Variants in ESRRG observed in about 807,000 individuals in gnomAD.
ESRRG encodes estrogen related receptor gamma, also known as estrogen-related receptor gamma.
In ESRRG, 13 loss-of-function variants were observed where a neutral mutation model predicts 44.0. That is an observed-to-expected ratio of 0.30 (90% CI 0.19 to 0.47). The LOEUF (loss-of-function observed/expected upper bound fraction) is 0.47, where lower values mean the gene tolerates loss of function less well. Ranked by LOEUF, ESRRG falls within the 20% of genes least tolerant of loss-of-function variation. ESRRG has a pLI of 1.00. For synonymous variants in ESRRG, 215 were observed against 214.6 expected, an observed-to-expected ratio of 1.00 and a Z score of -0.02; for missense variants, 395 against 580.6, an observed-to-expected ratio of 0.68 and a Z score of 3.29.
chr1:216,685,552 C>T (rs967570842), intron 1 of ESRRG, among the ~76,000 whole-genome samples: 2 of 152,138 alleles, frequency 1.3e-5, no homozygotes, highest in African/African-American at 4.8e-5. Flanking sequence ...CAGCACCGCA[C>T]TAGAGAAGAA....
chr1:216,603,824 G>A (rs529617480), intron 3 of ESRRG, among the ~76,000 whole-genome samples: 2 of 151,796 alleles, frequency 1.3e-5, no homozygotes, highest in Admixed American at 6.6e-5. Context: ...GCTACTCGGC[G>A]GGATGAGATG....
At chr1:216,764,047 G>T (rs1226796788) in intron 2 of ESRRG, among the ~76,000 whole-genome samples, 1 of 152,096 alleles carries the variant, frequency 6.6e-6, no homozygotes, top group African/African-American at 2.4e-5. Flanking sequence ...ATACTTCTGT[G>T]GCTATCGGAA....
At chr1:216,854,835 A>G (rs1484690546) in intron 2 of ESRRG, among the ~76,000 whole-genome samples, 3 of 151,674 alleles carry the variant, frequency 2.0e-5, no homozygotes, top group Non-Finnish European at 4.4e-5. Context: ...AGAAAAAAAA[A>G]TTTTGACAAA....
At chr1:216,979,392 C>A (rs181686369) in intron 1 of ESRRG, among the ~76,000 whole-genome samples, 4 of 152,122 alleles carry the variant, frequency 2.6e-5, no homozygotes, top group Non-Finnish European at 4.4e-5. Context: ...TTCCATCCCC[C>A]ATTCCACACC....
At chr1:216,554,433 G>C (rs1199722901) in intron 5 of ESRRG, among the ~76,000 whole-genome samples, 1 of 146,034 alleles carries the variant, frequency 6.8e-6, no homozygotes, top group African/African-American at 2.5e-5. Context: ...CAGCCTGGGC[G>C]ACAAGAGTGA....
chr1:216,892,881 C>T (rs151246763), intron 2 of ESRRG, among the ~76,000 whole-genome samples: 45 of 152,142 alleles, frequency 3.0e-4, no homozygotes, highest in African/African-American at 9.4e-4. Flanking sequence ...TCACTCTTTG[C>T]GTTCTTAATA....
At chr1:216,902,497 A>G (rs2059202436) in intron 2 of ESRRG, among the ~76,000 whole-genome samples, 1 of 152,100 alleles carries the variant, frequency 6.6e-6, no homozygotes, top group Admixed American at 6.5e-5. Flanking sequence ...GAAAAAAAAA[A>G]AAGGAAAAGG....
intron 1 of ESRRG, among the ~76,000 whole-genome samples, chr1:216,703,659 ATGTGTGTGTGTG>A (rs67638063): frequency 1.3e-5 from 2 of 148,868 alleles, no homozygotes; most frequent in African/African-American, 5.0e-5. Context: ...AGCTGGATAG[ATGTGTGTGTGTG>A]TGTGTGTGTG....
At chr1:216,565,261 T>C (rs544178883) in intron 4 of ESRRG, among the ~76,000 whole-genome samples, 3 of 152,336 alleles carry the variant, frequency 2.0e-5, no homozygotes, top group South Asian at 2.1e-4. Context: ...GGCTGTAAAG[T>C]CTTGGTAACA....
intron 1 of ESRRG, among the ~76,000 whole-genome samples, chr1:217,038,855 G>T (rs757505126): frequency 2.9e-4 from 44 of 152,194 alleles, no homozygotes; most frequent in Admixed American, 5.9e-4. Flanking sequence ...TTGTCAGGCT[G>T]CAAATTTTCT....
At chr1:217,064,106 ATG>A (rs1418013477) in intron 1 of ESRRG, among the ~76,000 whole-genome samples, 19 of 152,126 alleles carry the variant, frequency 1.2e-4, no homozygotes, top group South Asian at 6.2e-4. Flanking sequence ...GGTTTAGTAT[ATG>A]TGTGTGTTTT....
intron 3 of ESRRG, among the ~76,000 whole-genome samples, chr1:216,586,860 A>G (rs2063908985): frequency 6.6e-6 from 1 of 152,066 alleles, no homozygotes; most frequent in Non-Finnish European, 1.5e-5. Context: ...TACAGGAGTG[A>G]GCCACCACAT....
At chr1:216,931,175 C>T (rs546969579) in intron 2 of ESRRG, among the ~76,000 whole-genome samples, 1 of 152,298 alleles carries the variant, frequency 6.6e-6, no homozygotes, top group East Asian at 1.9e-4. Context: ...TTAAAGATGA[C>T]ATGCACGTTT....
At chr1:216,736,305 CT>C (rs1288558727) in intron 2 of ESRRG, among the ~76,000 whole-genome samples, 8 of 150,892 alleles carry the variant, frequency 5.3e-5, no homozygotes, top group Non-Finnish European at 1.0e-4. Context: ...GCCTCAGCCT[CT>C]CCGAGTAGCT....
At chr1:216,545,585 T>A (rs2054244334) in intron 5 of ESRRG, among the ~76,000 whole-genome samples, 1 of 152,122 alleles carries the variant, frequency 6.6e-6, no homozygotes, top group African/African-American at 2.4e-5. Context: ...ATCACTTGTT[T>A]ATAAATTTTT....
Position 216,768,480 on chromosome 1 carries a change from A to ATCTATCTATCTATCTGTCTG in ESRRG, c.-13-90990_-13-90989insCAGACAGATAGATAGATAGA, listed in dbSNP as rs1553593171. ...TATCTATCTATCTATCTATCTATCTATCTATCTATCTATCTATCTATATTT... is the reference window on the plus strand; with the variant it reads ...TATCTATCTATCTATCTATCTATCTATCTATCTATCTATCTGTCTGTCTATCTATCTATCTATCTATATTT... On this transcript the variant is annotated intron_variant, in intron 2 of 7. Transcript: ENST00000359162. 7.3e-4 allele frequency among the ~76,000 whole-genome samples: 110 copies of ATCTATCTATCTATCTGTCTG among 150,282 alleles called. 1 individual carries two copies. Among genetic ancestry groups the ATCTATCTATCTATCTGTCTG allele is most frequent in the African/African-American group, 2.5e-3 (102 of 40,692 alleles).
chr1:216,678,907 T>G (rs2076558488), intron 1 of ESRRG, among the ~76,000 whole-genome samples: 1 of 152,162 alleles, frequency 6.6e-6, no homozygotes, highest in Non-Finnish European at 1.5e-5. Flanking sequence ...TTGCACAAAT[T>G]TCATGCCCTC....
chr1:216,770,339 C>G (rs1420118575), intron 2 of ESRRG, among the ~76,000 whole-genome samples: 1 of 152,018 alleles, frequency 6.6e-6, no homozygotes, highest in Non-Finnish European at 1.5e-5. Context: ...AAGGAAGAGA[C>G]CAGAGAGCTA....
At chr1:216,922,763 A>G (rs150171907) in intron 2 of ESRRG, among the ~76,000 whole-genome samples, 1 of 152,184 alleles carries the variant, frequency 6.6e-6, no homozygotes, top group Non-Finnish European at 1.5e-5. Context: ...ACTGCAACAC[A>G]TGAACAATAC....
Sources: gnomAD v4.1 joint callset for allele counts (sites outside exome capture counted in the v4.1 genomes callset) on GRCh38, gnomAD v4.1.1 for gene constraint, MANE v1.5 for transcripts, NCBI Gene and HGNC (gene_info 2026-07-23, HGNC 2026-07-21) for gene names.